ECHDC3: variants seen among roughly 807,000 people sequenced by gnomAD.
ECHDC3 encodes the protein enoyl-CoA hydratase domain-containing protein 3, mitochondrial.
Under a neutral mutation model 17.9 loss-of-function variants are expected in ECHDC3, and 20 were observed. That is an observed-to-expected ratio of 1.12 (90% confidence interval 0.79 to 1.63). The LOEUF (loss-of-function observed/expected upper bound fraction) is 1.63. Ranked by LOEUF, ECHDC3 falls within the 40% of genes most tolerant of loss-of-function variation. The probability of loss-of-function intolerance (pLI) is 0.00; values close to 1 mark genes in which losing one functional copy is unlikely to be tolerated. For missense variants in ECHDC3, 407 were observed against 357.7 expected (o/e 1.14, Z -1.11); for synonymous variants, 177 against 149.7 (o/e 1.18, Z -1.33).
chr10:11,745,221 G>C (rs1489896637), intron 1 of ECHDC3, among the ~76,000 whole-genome samples: 2 of 152,218 alleles, frequency 1.3e-5, no homozygotes, highest in African/African-American at 2.4e-5. Flanking sequence ...AACACTCACA[G>C]TGTGGGAGCC....
At chr10:11,752,547 G>A (rs1374659657) in intron 3 of ECHDC3, among the ~76,000 whole-genome samples, 1 of 151,902 alleles carries the variant, frequency 6.6e-6, no homozygotes, top group Non-Finnish European at 1.5e-5. Flanking sequence ...ATATTTTGCT[G>A]TATTTCCTTT....
chr10:11,747,421 CATTCTTCATGACGCT>C lies in ECHDC3; in HGVS notation c.244_258del (p.Ile82_Ala86del), dbSNP rs1167168779. 1.2e-6 allele frequency: 2 copies of C among 1,613,932 alleles called. No individual in the cohort carries two copies. The highest frequency in any genetic ancestry group is 4.5e-5 in the East Asian group (2 of 44,888). On this transcript the variant is annotated inframe_deletion, in exon 2 of 5. Coordinates refer to ENST00000379215, the MANE Select transcript of ECHDC3 (RefSeq NM_024693.5). ...CAATGCTGAAGTCTCTCCAAAGTGA[CATTCTTCATGACGCT>C]GACAGCAACGATCTGAAAGTCATTA...
At chr10:11,744,509 A>G (rs1037366608) in intron 1 of ECHDC3, among the ~76,000 whole-genome samples, 5 of 152,142 alleles carry the variant, frequency 3.3e-5, no homozygotes, top group Non-Finnish European at 5.9e-5. Flanking sequence ...CAGACAGCTC[A>G]TGGGGGCATT....
In ECHDC3 at chr10:11,749,517, T is replaced by C. The variant is rs770520205; in HGVS notation, c.315T>C (p.Ser105=). ...IISAEGPVFS[S]GHDLKELTEE... is the part of the protein sequence containing the mutation. ...CAGCTGAGGGGCCTGTGTTTTCTTC[T>C]GGGCATGACTTAAAGGAGCTGACAG... Residue 105 remains serine, a synonymous_variant, in exon 3 of 5, where the codon TCT becomes TCC. Coordinates refer to ENST00000379215, the MANE Select transcript of ECHDC3 (RefSeq NM_024693.5). The C allele has an allele frequency of 3.7e-6, 6 of 1,614,150 alleles. No individual in the cohort carries two copies. The Admixed American group carries it at 8.3e-5, about 22-fold the overall frequency.
At chr10:11,753,920 C>T (rs1011586077) in intron 3 of ECHDC3, among the ~76,000 whole-genome samples, 2 of 152,158 alleles carry the variant, frequency 1.3e-5, no homozygotes, top group Non-Finnish European at 2.9e-5. Context: ...GGATTACAGG[C>T]ACGTGCCACC....
chr10:11,743,668 G>A (rs1832721552), intron 1 of ECHDC3, among the ~76,000 whole-genome samples: 1 of 152,242 alleles, frequency 6.6e-6, no homozygotes, highest in African/African-American at 2.4e-5. Context: ...CAGGGTCTCA[G>A]TAATGGCCGC....
intron 4 of ECHDC3, among the ~76,000 whole-genome samples, chr10:11,759,624 G>C (rs970720497): frequency 1.3e-5 from 2 of 152,188 alleles, no homozygotes; most frequent in Non-Finnish European, 2.9e-5. Flanking sequence ...ATGCAAAGGG[G>C]CATGACGTGG....
rs747879768 is a variant in ECHDC3, at chr10:11,749,492, C to T, written c.293-3C>T. On this transcript the variant is annotated splice_region_variant and splice_polypyrimidine_tract_variant and intron_variant, in intron 2 of 4. Coordinates refer to ENST00000379215, the MANE Select transcript of ECHDC3 (RefSeq NM_024693.5). ...TTCTTTTCTCAATTGGAAACATTTG[C>T]AGCTGAGGGGCCTGTGTTTTCTTCT... The T allele has an allele frequency of 1.8e-5, 29 of 1,613,718 alleles. No homozygotes were observed. In the Admixed American group the frequency reaches 4.7e-4, roughly 26 times the overall value.
chr10:11,746,609 A>G (rs1333613885), intron 1 of ECHDC3, among the ~76,000 whole-genome samples: 1 of 152,138 alleles, frequency 6.6e-6, no homozygotes, highest in African/African-American at 2.4e-5. Flanking sequence ...ATAAATATAT[A>G]TACACCTACT....
chr10:11,743,920 A>G (rs1026692504), intron 1 of ECHDC3, among the ~76,000 whole-genome samples: 1 of 152,130 alleles, frequency 6.6e-6, no homozygotes, highest in East Asian at 1.9e-4. Flanking sequence ...TGACTGAAAC[A>G]CTCTCACATG....
chr10:11,749,030 G>A (rs1030888292), intron 2 of ECHDC3, among the ~76,000 whole-genome samples: 5 of 152,176 alleles, frequency 3.3e-5, no homozygotes, highest in African/African-American at 1.2e-4. Context: ...GAAGGCTTCC[G>A]AGGTCTCTTC....
At chr10:11,760,933 C>T (rs964009640) in intron 4 of ECHDC3, among the ~76,000 whole-genome samples, 2 of 152,236 alleles carry the variant, frequency 1.3e-5, no homozygotes, top group African/African-American at 4.8e-5. Context: ...ATGGTCTGCC[C>T]TGGAACCCCC....
At chr10:11,751,850 C>G (rs1288917460) in intron 3 of ECHDC3, among the ~76,000 whole-genome samples, 1 of 152,266 alleles carries the variant, frequency 6.6e-6, no homozygotes, top group South Asian at 2.1e-4. Context: ...TCTCATACCC[C>G]GTCAATCAAA....
At chr10:11,761,742 C>T (rs879394154) in intron 4 of ECHDC3, among the ~76,000 whole-genome samples, 2 of 152,266 alleles carry the variant, frequency 1.3e-5, no homozygotes, top group African/African-American at 2.4e-5. Flanking sequence ...GAGCAAGAGC[C>T]AGAGCCAGCT....
intron 1 of ECHDC3, 82 bp from the exon 2 acceptor site, chr10:11,747,267 T>G: frequency 6.4e-7 from 1 of 1,553,332 alleles, no homozygotes; most frequent in Non-Finnish European, 8.7e-7. Context: ...TAAAAATACC[T>G]CCTAAATTAG....
intron 3 of ECHDC3, among the ~76,000 whole-genome samples, chr10:11,753,602 A>C (rs4750100): frequency 0.2 from 29,898 of 151,952 alleles, 3,123 homozygotes; most frequent in East Asian, 0.31. Flanking sequence ...CTTTCTTTGC[A>C]GCAAGACTTT....
chr10:11,760,973 G>A (rs573457012), intron 4 of ECHDC3, among the ~76,000 whole-genome samples: 5 of 152,348 alleles, frequency 3.3e-5, no homozygotes, highest in East Asian at 3.9e-4. Flanking sequence ...TTCCTCCAAC[G>A]TAAAATCGGT....
chr10:11,757,977 T>TG (rs1030992132), intron 4 of ECHDC3, among the ~76,000 whole-genome samples: 1 of 152,012 alleles, frequency 6.6e-6, no homozygotes, highest in Admixed American at 6.6e-5. Flanking sequence ...CCGAGTATTT[T>TG]GGGGGGTGGG....
chr10:11,755,826 G>A (rs936585076), intron 4 of ECHDC3: 4 of 501,022 alleles, frequency 8.0e-6, no homozygotes, highest in African/African-American at 1.9e-5. Flanking sequence ...CTGACGCCAG[G>A]CGTCAATTTG....
Sources: allele counts gnomAD v4.1 joint callset (sites outside exome capture counted in the v4.1 genomes callset), GRCh38; gene constraint gnomAD v4.1.1; transcripts MANE v1.5; gene names NCBI Gene and HGNC (gene_info 2026-07-23, HGNC 2026-07-21).